ANK1: variants seen among roughly 807,000 people sequenced by gnomAD.
ANK1 encodes the protein ankyrin 1.
A neutral mutation model predicts 210.4 loss-of-function variants in ANK1; 51 were observed. The observed-to-expected ratio is 0.24, with a 90% CI of 0.19 to 0.31. The LOEUF (loss-of-function observed/expected upper bound fraction) is 0.31, where lower values mean the gene tolerates loss of function less well. ANK1 is among the 10% of genes least tolerant of loss of function. The probability of loss-of-function intolerance (pLI) is 1.00; values close to 1 mark genes in which losing one functional copy is unlikely to be tolerated. For synonymous variants in ANK1, 967 were observed against 1,025.9 expected (o/e 0.94, Z 1.10); for missense variants, 2,051 against 2,504.4 (o/e 0.82, Z 3.86).
intron 1 of ANK1, among the ~76,000 whole-genome samples, chr8:41,790,379 T>A (rs749547381): frequency 3.3e-5 from 5 of 152,166 alleles, no homozygotes; most frequent in African/African-American, 4.8e-5. Context: ...ACTCCTGCCC[T>A]CAGGTGATCC....
upstream of ANK1, among the ~76,000 whole-genome samples, chr8:41,801,759 C>T (rs940761926): frequency 8.5e-5 from 13 of 152,098 alleles, no homozygotes; most frequent in South Asian, 2.1e-4. Context: ...AGTCTGAATA[C>T]GAATCATTTT....
At chr8:41,719,021 T>C (rs1828508147) in intron 10 of ANK1, among the ~76,000 whole-genome samples, 2 of 152,198 alleles carry the variant, frequency 1.3e-5, no homozygotes, top group Non-Finnish European at 2.9e-5. Flanking sequence ...TCCTCTGCCA[T>C]CCCTGGAGGA....
chr8:41,809,873 T>C (rs1802221904), intron 1 of ANK1, among the ~76,000 whole-genome samples: 1 of 152,238 alleles, frequency 6.6e-6, no homozygotes, highest in South Asian at 2.1e-4. Context: ...TTCTTCTGAC[T>C]AAACCCCAGA....
rs141170897 is a variant in ANK1 at position 41,732,527 on chromosome 8, C to T, written c.228+1444G>A. Reference sequence around the variant, plus strand: ...TCCTGGGTTCAAGCGATTCTCCTGCCTCAGCTTCCCGAGTAGCTGGGATTA... The same window carrying T: ...TCCTGGGTTCAAGCGATTCTCCTGCTTCAGCTTCCCGAGTAGCTGGGATTA... On this transcript the variant is annotated intron_variant, in intron 3 of 42. Transcript: ENST00000289734. 4.8e-3 allele frequency among the ~76,000 whole-genome samples: 731 copies of T among 152,054 alleles called. 10 individuals carry two copies. The highest frequency in any genetic ancestry group is 0.017 in the African/African-American group (707 of 41,430).
chr8:41,822,109 AGAG>A lies in ANK1; in HGVS notation c.127-63975_127-63973del, dbSNP rs1283739276. ...GAGAGAGAGAGAGAGAGAGAGAGAG[AGAG>A]AGAAAGAAAGAGAAAGAAAGAGAAA... On this transcript the variant is annotated intron_variant, in intron 1 of 42. Coordinates refer to the ANK1 transcript ENST00000265709. Among the ~76,000 whole-genome samples the A allele has an allele frequency of 8.1e-4, 29 of 35,656 alleles. No individual in the cohort carries two copies. The East Asian group carries it at 8.2e-3, about 10-fold the overall frequency. 23.4% of individuals were successfully genotyped at this position (35,656 alleles called of 152,430 possible).
chr8:41,832,681 C>T (rs979328510), intron 1 of ANK1, among the ~76,000 whole-genome samples: 3 of 152,238 alleles, frequency 2.0e-5, no homozygotes, highest in African/African-American at 4.8e-5. Context: ...GGAGATTTCT[C>T]ATCCCCCAGG....
intron 1 of ANK1, among the ~76,000 whole-genome samples, chr8:41,834,797 A>G (rs1807315153): frequency 6.6e-6 from 1 of 152,248 alleles, no homozygotes; most frequent in African/African-American, 2.4e-5. Context: ...CTGTCTGTCC[A>G]GGGATGAGCA....
At chr8:41,686,990 C>T (rs2150581314) in intron 35 of ANK1, among the ~76,000 whole-genome samples, 1 of 152,294 alleles carries the variant, frequency 6.6e-6, no homozygotes, top group Middle Eastern at 3.4e-3. Context: ...ACAACACATA[C>T]ACGTGCATAC....
rs777258799 is a variant in ANK1, at chr8:41,723,578, C to T, written c.767G>A (p.Arg256Gln). The T allele has an allele frequency of 8.1e-6, 13 of 1,613,916 alleles. No homozygotes were observed. The highest frequency in any genetic ancestry group is 6.7e-5 in the African/African-American group (5 of 74,922). ...ASRRGNVIMV[R>Q]LLLDRGAQIE... Reference sequence around the variant, plus strand: ...CTGGGCTCCCCGATCCAGCAGCAGCCGCACCATGATCACGTTGCCCCTGCG... The same window carrying T: ...CTGGGCTCCCCGATCCAGCAGCAGCTGCACCATGATCACGTTGCCCCTGCG... Residue 256 changes from arginine (R) to glutamine (Q), a missense_variant, in exon 8 of 43, where the codon CGG becomes CAG. Arg to Gln is a conservative substitution (Grantham distance 43). Coordinates refer to ENST00000289734, the MANE Select transcript of ANK1 (RefSeq NM_000037.4).
intron 3 of ANK1, among the ~76,000 whole-genome samples, chr8:41,728,674 A>G (rs1831337239): frequency 6.6e-6 from 1 of 152,372 alleles, no homozygotes; most frequent in African/African-American, 2.4e-5. Context: ...GGCCATGTCA[A>G]AGGAACTCCT....
intron 3 of ANK1, among the ~76,000 whole-genome samples, chr8:41,732,930 G>T (rs1832583489): frequency 6.6e-6 from 1 of 151,702 alleles, no homozygotes; most frequent in Non-Finnish European, 1.5e-5. Context: ...TAGAGACGGG[G>T]TTTCACCATG....
Position 41,762,038 on chromosome 8 carries a change from T to C in ANK1, c.28-3901A>G, listed in dbSNP as rs562040833. Among the ~76,000 whole-genome samples, 101 of 152,286 alleles carry C rather than the reference T, an allele frequency of 6.6e-4. 1 individual carries two copies. In the South Asian group the frequency reaches 0.02, roughly 30 times the overall value. ...CCTGCCAGCCCTCCCCAACCTCAGG[T>C]CCCACATGGGCCCCCTATGATGTAA... On this transcript the variant is annotated intron_variant, in intron 1 of 42. Transcript: ENST00000289734.
intron 1 of ANK1, among the ~76,000 whole-genome samples, chr8:41,763,881 CT>C (rs1554605131): frequency 6.9e-5 from 5 of 72,146 alleles, no homozygotes; most frequent in Non-Finnish European, 8.0e-5. Context: ...TTCTTTTTTT[CT>C]TTTTTTCTTT....
chr8:41,698,682 C>CAGGT (rs1258157226), intron 23 of ANK1, among the ~76,000 whole-genome samples: 2 of 152,168 alleles, frequency 1.3e-5, no homozygotes, highest in African/African-American at 4.8e-5. Flanking sequence ...AAATGTGGTC[C>CAGGT]AGGCAGGCAG....
intron 39 of ANK1, chr8:41,664,272 G>A (rs934474327): frequency 2.4e-6 from 1 of 418,494 alleles, no homozygotes; most frequent in Non-Finnish European, 4.7e-6. Context: ...AGGAGTTCAA[G>A]ACCAATTTGG....
chr8:41,668,461 C>T lies in ANK1; in HGVS notation c.5200G>A (p.Gly1734Arg), dbSNP rs1811245187. 6.2e-7 allele frequency: 1 copy of T among 1,614,250 alleles called. No individual in the cohort carries two copies. The highest frequency in any genetic ancestry group is 8.5e-7 in the Non-Finnish European group (1 of 1,180,054). Reference sequence around the variant, plus strand: ...AGCCCTTCAGTCATGGTACTTGTTCCCTGGAATGAGTGTGGACCTTGCGTG... The same window carrying T: ...AGCCCTTCAGTCATGGTACTTGTTCTCTGGAATGAGTGTGGACCTTGCGTG... Reference protein sequence around the residue: ...EVTQGPHSFQGTSTMTEGLEP... With the variant: ...EVTQGPHSFQRTSTMTEGLEP... The change falls in exon 39 of 43, where the codon GGA becomes AGA. Residue 1734 changes from glycine to arginine, a missense_variant. Physicochemically the swap from Gly to Arg is moderately radical, Grantham distance 125. Coordinates refer to ENST00000289734, the MANE Select transcript of ANK1 (RefSeq NM_000037.4).
intron 1 of ANK1, among the ~76,000 whole-genome samples, chr8:41,895,248 G>GGGGC (rs761248575): frequency 5.3e-5 from 8 of 152,222 alleles, no homozygotes; most frequent in Non-Finnish European, 1.2e-4. Context: ...GGAAGCCTGA[G>GGGGC]GGGCCCCACT....
rs1830521261 is a variant in ANK1 at position 41,725,745 on chromosome 8, T to A, written c.612+16A>T. ...GCGTCCGCGGCCCAAGGCTCCTCCC[T>A]CCTCCTCGCCCTCACCTTGGAAAGC... On this transcript the variant is annotated intron_variant, in intron 6 of 42. Coordinates refer to ENST00000289734, the MANE Select transcript of ANK1 (RefSeq NM_000037.4). 1 of 1,605,894 alleles carries A rather than the reference T, an allele frequency of 6.2e-7. No individual in the cohort carries two copies. The highest frequency in any genetic ancestry group is 2.2e-4 in the Middle Eastern group (1 of 4,476).
intron 1 of ANK1, among the ~76,000 whole-genome samples, chr8:41,781,015 T>C (rs1242008938): frequency 1.3e-5 from 2 of 152,088 alleles, no homozygotes; most frequent in Non-Finnish European, 2.9e-5. Flanking sequence ...TCTAATCTCA[T>C]CTCACTAGAA....
Sources: allele counts gnomAD v4.1 joint callset (sites outside exome capture counted in the v4.1 genomes callset), GRCh38; gene constraint gnomAD v4.1.1; transcripts MANE v1.5; gene names NCBI Gene and HGNC (gene_info 2026-07-23, HGNC 2026-07-21).